HHIP: variants seen among roughly 807,000 people sequenced by gnomAD.
The protein encoded by HHIP is hedgehog interacting protein, also known as hedgehog-interacting protein.
In HHIP, 12 loss-of-function variants were observed where a neutral mutation model predicts 74.0. The ratio of observed to expected loss-of-function variants is 0.16; its 90% CI spans 0.10 to 0.26. The LOEUF (loss-of-function observed/expected upper bound fraction) is 0.26, where lower values mean the gene tolerates loss of function less well. HHIP is among the 10% of genes least tolerant of loss of function. The pLI is 1.00. For synonymous variants in HHIP, 309 were observed against 311.6 expected, an observed-to-expected ratio of 0.99 and a Z score of 0.09; for missense variants, 788 against 845.0, an observed-to-expected ratio of 0.93 and a Z score of 0.84.
intron 12 of HHIP, among the ~76,000 whole-genome samples, chr4:144,736,965 T>G (rs986825897): frequency 6.6e-6 from 1 of 152,186 alleles, no homozygotes; most frequent in Non-Finnish European, 1.5e-5. Flanking sequence ...AGGAAATGTA[T>G]TGAAGGAATT....
chr4:144,648,606 C>T (rs1229126110), intron 1 of HHIP: 1 of 152,058 alleles, frequency 6.6e-6, no homozygotes, highest in Non-Finnish European at 1.5e-5. Context: ...CCCTAAAGAA[C>T]CAGGAAATTC....
intron 12 of HHIP, among the ~76,000 whole-genome samples, chr4:144,737,277 T>C (rs2639576): frequency 0.47 from 71,523 of 151,902 alleles, 17,076 homozygotes; most frequent in East Asian, 0.58. Context: ...GGAGTTTATA[T>C]GGTGGATATT....
intron 12 of HHIP, among the ~76,000 whole-genome samples, chr4:144,736,791 A>G (rs1731132804): frequency 6.6e-6 from 1 of 152,204 alleles, no homozygotes; most frequent in Admixed American, 6.5e-5. Flanking sequence ...CCTAAACAGG[A>G]ATTTTATTCA....
chr4:144,651,596 T>C (rs905175026), intron 1 of HHIP, among the ~76,000 whole-genome samples: 1 of 152,076 alleles, frequency 6.6e-6, no homozygotes, highest in Non-Finnish European at 1.5e-5. Context: ...TGGGAAAAGG[T>C]ATAAAATTCA....
In HHIP at chr4:144,740,815, C is replaced by T. The variant is rs183623610; in HGVS notation, c.*2858C>T. On this transcript the variant is annotated 3_prime_UTR_variant, in exon 13 of 13. Coordinates refer to ENST00000296575, the MANE Select transcript of HHIP (RefSeq NM_022475.3). ...AGAATACTGATGCATAAGATAAAGA[C>T]GAAATAATGAAAAAGAAAAATGTAT... 4.6e-5 allele frequency: 7 copies of T among 152,074 alleles called. No homozygotes were observed. Among genetic ancestry groups the T allele is most frequent in the African/African-American group, 1.2e-4 (5 of 41,480 alleles). 9.4% of individuals were successfully genotyped at this position (152,074 alleles called of 1,614,324 possible).
chr4:144,699,260 T>C (rs185216464), intron 4 of HHIP, among the ~76,000 whole-genome samples: 12 of 152,266 alleles, frequency 7.9e-5, no homozygotes, highest in Non-Finnish European at 1.5e-4. Context: ...GAATGACTCA[T>C]AGAACACAGG....
At chr4:144,730,897 A>G (rs1730937407) in intron 11 of HHIP, among the ~76,000 whole-genome samples, 1 of 152,194 alleles carries the variant, frequency 6.6e-6, no homozygotes, top group Non-Finnish European at 1.5e-5. Context: ...AAATATTAGA[A>G]AAATGAATTT....
intron 1 of HHIP, among the ~76,000 whole-genome samples, chr4:144,650,315 T>G (rs979501345): frequency 1.3e-5 from 2 of 152,140 alleles, no homozygotes; most frequent in African/African-American, 4.8e-5. Context: ...GCCACAATGA[T>G]TACTAGGCAT....
intron 4 of HHIP, among the ~76,000 whole-genome samples, chr4:144,681,405 A>G (rs1257524738): frequency 2.0e-5 from 3 of 148,290 alleles, no homozygotes; most frequent in African/African-American, 7.4e-5. Flanking sequence ...TCAAAAGTCT[A>G]TCGGATTGCA....
intron 4 of HHIP, among the ~76,000 whole-genome samples, chr4:144,704,042 T>C (rs1730062235): frequency 6.6e-6 from 1 of 152,206 alleles, no homozygotes; most frequent in African/African-American, 2.4e-5. Flanking sequence ...ATTAATCTCC[T>C]GGCACACTGT....
intron 2 of HHIP, among the ~76,000 whole-genome samples, chr4:144,654,206 TA>T (rs1302521854): frequency 6.6e-6 from 1 of 152,106 alleles, no homozygotes; most frequent in African/African-American, 2.4e-5. Flanking sequence ...AACAATAAAA[TA>T]AAAGTAATAT....
chr4:144,720,839 G>T (rs1428352969), intron 11 of HHIP, among the ~76,000 whole-genome samples: 1 of 152,044 alleles, frequency 6.6e-6, no homozygotes. Context: ...ATGCTGTTTT[G>T]ATTTGGCCAT....
intron 7 of HHIP, among the ~76,000 whole-genome samples, chr4:144,709,264 A>G (rs897241797): frequency 2.6e-5 from 4 of 152,142 alleles, no homozygotes; most frequent in African/African-American, 9.7e-5. Flanking sequence ...ATCTCAGCAG[A>G]TCTTAAAATC....
intron 2 of HHIP, among the ~76,000 whole-genome samples, chr4:144,654,090 T>C (rs1319507974): frequency 6.6e-6 from 1 of 152,188 alleles, no homozygotes; most frequent in Non-Finnish European, 1.5e-5. Flanking sequence ...TATCAACACT[T>C]AGCATTTTTA....
At chr4:144,650,919 A>G (rs1728403377) in intron 1 of HHIP, 1 of 152,096 alleles carries the variant, frequency 6.6e-6, no homozygotes, top group African/African-American at 2.4e-5. Flanking sequence ...TTTCAGCTAT[A>G]AAAAATGGAA....
rs984818142 is a variant in HHIP at position 144,744,340 on chromosome 4, T to C, written c.*6383T>C. 1 of 152,250 alleles carries C rather than the reference T, an allele frequency of 6.6e-6. No individual in the cohort carries two copies. The highest frequency in any genetic ancestry group is 1.5e-5 in the Non-Finnish European group (1 of 68,044). The allele number at this position is 152,250 out of a possible 1,614,324, so 9.4% of individuals were successfully genotyped here. On this transcript the variant is annotated 3_prime_UTR_variant, in exon 13 of 13. Transcript: ENST00000296575. ...TTTGTCCAGTATTAAGGAATGGTTA[T>C]CTTTATCATTCTTCTAACATGTTTT...
rs1384954745 is a variant in HHIP, at chr4:144,718,856, T to C, written c.1679-19T>C. The C allele has an allele frequency of 1.3e-6, 2 of 1,538,442 alleles. No homozygotes were observed. Among genetic ancestry groups the C allele is most frequent in the Admixed American group, 3.3e-5 (2 of 59,720 alleles). Reference sequence around the variant, plus strand: ...TCTACTGCTATAAATTTGCTTATTGTTATTTCTTTCTTTAACAGGTGAAGT... The same window carrying C: ...TCTACTGCTATAAATTTGCTTATTGCTATTTCTTTCTTTAACAGGTGAAGT... On this transcript the variant is annotated intron_variant, in intron 10 of 12. Coordinates refer to ENST00000296575, the MANE Select transcript of HHIP (RefSeq NM_022475.3).
chr4:144,723,921 C>A (rs1233319190), intron 11 of HHIP, among the ~76,000 whole-genome samples: 1 of 152,054 alleles, frequency 6.6e-6, no homozygotes, highest in African/African-American at 2.4e-5. Flanking sequence ...ATCCAGTAAC[C>A]AAAGATGAAT....
At chr4:144,669,525 A>C (rs1280137972) in intron 4 of HHIP, among the ~76,000 whole-genome samples, 1 of 152,216 alleles carries the variant, frequency 6.6e-6, no homozygotes, top group Non-Finnish European at 1.5e-5. Context: ...GCAATTCCTC[A>C]GTCCTCAGCT....
Sources: gnomAD v4.1 joint callset for allele counts (sites outside exome capture counted in the v4.1 genomes callset) on GRCh38, gnomAD v4.1.1 for gene constraint, MANE v1.5 for transcripts, NCBI Gene and HGNC (gene_info 2026-07-23, HGNC 2026-07-21) for gene names.